The following SPAG16 variants were observed in gnomAD, a reference collection of about 807,000 sequenced individuals.
SPAG16 encodes sperm-associated antigen 16 protein.
SPAG16 carries 86 observed loss-of-function variants against 80.4 expected under a neutral mutation model. The observed-to-expected ratio is 1.07, with a 90% CI of 0.90 to 1.28. SPAG16 has a LOEUF of 1.28. Among genes scored for constraint, SPAG16 ranks in the 50% most tolerant of loss-of-function variants. The pLI, the probability that SPAG16 is intolerant of heterozygous loss-of-function variation, is 0.00. For missense variants in SPAG16, 870 were observed against 765.3 expected, an observed-to-expected ratio of 1.14 and a Z score of -1.61; for synonymous variants, 294 against 265.9, an observed-to-expected ratio of 1.11 and a Z score of -1.03.
intron 15 of SPAG16, chr2:214,238,880 A>G (rs1689261270): frequency 6.6e-6 from 1 of 152,102 alleles, no homozygotes; most frequent in African/African-American, 2.4e-5. Flanking sequence ...TTATTTGAAA[A>G]CTGGCATTCA....
Position 214,100,056 on chromosome 2 carries a change from G to A in SPAG16, c.1528-8140G>A, listed in dbSNP as rs151054665. 3.6e-3 allele frequency among the ~76,000 whole-genome samples: 545 copies of A among 152,044 alleles called. 4 individuals carry two copies. Among genetic ancestry groups the A allele is most frequent in the African/African-American group, 0.012 (492 of 41,522 alleles). ...AGACCTGGTGGAAGGTGATTGGATC[G>A]TGGGGGCAGTGTCCCCCATGCTGTT... On this transcript the variant is annotated intron_variant, in intron 13 of 15. Coordinates refer to ENST00000331683, the MANE Select transcript of SPAG16 (RefSeq NM_024532.5).
At position 214,330,819 on chromosome 2, in the gene SPAG16, T is replaced by C. The variant is rs184188105; in HGVS notation, c.1721-79321T>C. ...GGAGAATGAATGTTGTGGTGCCAAA[T>C]GAGGGATCAAGTGGGGTATCACAGC... On this transcript the variant is annotated intron_variant, in intron 15 of 15. Coordinates refer to ENST00000331683, the MANE Select transcript of SPAG16 (RefSeq NM_024532.5). 2.6e-5 allele frequency among the ~76,000 whole-genome samples: 4 copies of C among 152,262 alleles called. No homozygotes were observed. The East Asian group carries it at 7.7e-4, about 29-fold the overall frequency.
At chr2:213,876,484 G>T (rs1041999780) in intron 11 of SPAG16, among the ~76,000 whole-genome samples, 7 of 152,002 alleles carry the variant, frequency 4.6e-5, no homozygotes, top group African/African-American at 1.7e-4. Flanking sequence ...GTGGAGAAAG[G>T]AATAAGTCAC....
At chr2:213,317,536 C>G in intron 5 of SPAG16, 180 bp downstream of exon 5, 1 of 1,274,876 alleles carries the variant, frequency 7.8e-7, no homozygotes, top group Non-Finnish European at 9.9e-7. Context: ...AGAACTATCA[C>G]AATTATAACT....
chr2:213,756,314 C>CA (rs2068329470), intron 10 of SPAG16, among the ~76,000 whole-genome samples: 3 of 151,950 alleles, frequency 2.0e-5, no homozygotes, highest in African/African-American at 7.3e-5. Flanking sequence ...AACCCCGTCT[C>CA]AAAAAAATAA....
chr2:213,676,660 A>C (rs185379877), intron 10 of SPAG16, among the ~76,000 whole-genome samples: 6,990 of 151,714 alleles, frequency 0.046, 534 homozygotes, highest in African/African-American at 0.16. Flanking sequence ...TTTGTCTTTG[A>C]TTCTGCTTAT....
At chr2:214,138,203 A>C (rs1357223209) in intron 14 of SPAG16, among the ~76,000 whole-genome samples, 1 of 152,174 alleles carries the variant, frequency 6.6e-6, no homozygotes, top group Non-Finnish European at 1.5e-5. Flanking sequence ...TAGACAAAAA[A>C]TATAAATTTG....
At chr2:213,338,501 C>T (rs2064501000) in intron 5 of SPAG16, among the ~76,000 whole-genome samples, 1 of 152,126 alleles carries the variant, frequency 6.6e-6, no homozygotes, top group African/African-American at 2.4e-5. Flanking sequence ...TAGACTTAAT[C>T]CCATTACTGG....
At chr2:214,270,060 C>CTTAA (rs1559169543) in intron 15 of SPAG16, among the ~76,000 whole-genome samples, 2 of 152,136 alleles carry the variant, frequency 1.3e-5, no homozygotes, top group Admixed American at 1.3e-4. Flanking sequence ...CTATTGGAGT[C>CTTAA]TTAATTCCTT....
intron 12 of SPAG16, among the ~76,000 whole-genome samples, chr2:213,976,753 A>G (rs938892223): frequency 1.3e-5 from 2 of 152,114 alleles, no homozygotes. Flanking sequence ...GGAAGGAAAG[A>G]GAACCTTCAT....
At chr2:214,363,814 T>C (rs1699320678) in intron 15 of SPAG16, among the ~76,000 whole-genome samples, 1 of 152,088 alleles carries the variant, frequency 6.6e-6, no homozygotes, top group South Asian at 2.1e-4. Context: ...GTGAGTATCC[T>C]TGGGCAAGCA....
rs139669055 is a variant in SPAG16 at position 213,334,096 on chromosome 2, A to G, written c.537-6067A>G. On this transcript the variant is annotated intron_variant, in intron 5 of 15. Transcript: ENST00000331683. ...CTGATAAGATTAATAACCAGAATAT[A>G]TAAGAAACTCTATAGGAAAAAAGTC... Among the ~76,000 whole-genome samples, 258 of 152,304 alleles carry G rather than the reference A, an allele frequency of 1.7e-3. 1 individual carries two copies. Among genetic ancestry groups the G allele is most frequent in the African/African-American group, 5.8e-3 (241 of 41,596 alleles).
intron 9 of SPAG16, among the ~76,000 whole-genome samples, chr2:213,486,051 A>C (rs2073957020): frequency 6.6e-6 from 1 of 152,120 alleles, no homozygotes; most frequent in South Asian, 2.1e-4. Flanking sequence ...CCATCACCTT[A>C]AATGTTTGTC....
chr2:214,275,698 G>A (rs1453612807), intron 15 of SPAG16, among the ~76,000 whole-genome samples: 2 of 152,310 alleles, frequency 1.3e-5, no homozygotes, highest in African/African-American at 2.4e-5. Context: ...TTGGTGAGGA[G>A]TGCTTTACTT....
intron 10 of SPAG16, among the ~76,000 whole-genome samples, chr2:213,641,972 A>C (rs143079276): frequency 4.6e-5 from 7 of 152,334 alleles, no homozygotes; most frequent in African/African-American, 1.7e-4. Context: ...TAAGTCACTC[A>C]CTATCATGAG....
At chr2:213,566,807 G>A (rs111400937) in intron 10 of SPAG16, among the ~76,000 whole-genome samples, 3,106 of 152,100 alleles carry the variant, frequency 0.02, 46 homozygotes, top group Middle Eastern at 0.051. Context: ...TATTCAGCTC[G>A]CCTTTCCTGA....
At chr2:213,843,790 G>A (rs559914000) in intron 10 of SPAG16, among the ~76,000 whole-genome samples, 2 of 152,274 alleles carry the variant, frequency 1.3e-5, no homozygotes, top group South Asian at 4.1e-4. Context: ...GGCGGAGGTT[G>A]CAGTAAGCCG....
In SPAG16 at chr2:213,599,173, C is replaced by G. The variant is rs1308859765; in HGVS notation, c.1070+109083C>G. ...GTTTACTTGTAATAATCTAAAAACA[C>G]AAATAGCCTAATGATTACAGAGTGA... On this transcript the variant is annotated intron_variant, in intron 10 of 15. Transcript: ENST00000331683. Among the ~76,000 whole-genome samples the G allele has an allele frequency of 2.0e-5, 3 of 152,208 alleles. No homozygotes were observed. In the East Asian group the frequency reaches 5.8e-4, roughly 29 times the overall value.
intron 15 of SPAG16, chr2:214,280,781 TC>T: frequency 2.2e-6 from 1 of 453,736 alleles, no homozygotes. Flanking sequence ...CTAGATTCTC[TC>T]ATATAGCAGC....
Sources: allele counts gnomAD v4.1 joint callset (sites outside exome capture counted in the v4.1 genomes callset), GRCh38; gene constraint gnomAD v4.1.1; transcripts MANE v1.5; gene names NCBI Gene and HGNC (gene_info 2026-07-23, HGNC 2026-07-21).